KCTD8: variants seen among roughly 807,000 people sequenced by gnomAD.
KCTD8 encodes the protein BTB/POZ domain-containing protein KCTD8.
Under a neutral mutation model 31.5 loss-of-function variants are expected in KCTD8, and 27 were observed. The ratio of observed to expected loss-of-function variants is 0.86; its 90% CI spans 0.63 to 1.18. KCTD8 has a LOEUF of 1.18. Ranked by LOEUF, KCTD8 falls within the 50% of genes most tolerant of loss-of-function variation. The probability of loss-of-function intolerance (pLI) is 0.00; values close to 1 mark genes in which losing one functional copy is unlikely to be tolerated. For synonymous variants in KCTD8, 290 were observed against 280.0 expected (o/e 1.04, Z -0.36); for missense variants, 658 against 647.7 (o/e 1.02, Z -0.17).
At chr4:44,445,014 T>C (rs1577675098) in intron 1 of KCTD8, among the ~76,000 whole-genome samples, 1 of 152,154 alleles carries the variant, frequency 6.6e-6, no homozygotes, top group African/African-American at 2.4e-5. Flanking sequence ...AAAACATAAG[T>C]GGACAAACAA....
At chr4:44,306,452 A>C (rs182074174) in intron 1 of KCTD8, among the ~76,000 whole-genome samples, 84 of 152,162 alleles carry the variant, frequency 5.5e-4, no homozygotes, top group Non-Finnish European at 9.6e-4. Flanking sequence ...AATATAATTT[A>C]AACATCTTCA....
intron 1 of KCTD8, among the ~76,000 whole-genome samples, chr4:44,429,653 T>C (rs1721427205): frequency 6.6e-6 from 1 of 151,970 alleles, no homozygotes; most frequent in African/African-American, 2.4e-5. Flanking sequence ...CATGTCATTA[T>C]TGTTTTTAAT....
intron 1 of KCTD8, among the ~76,000 whole-genome samples, chr4:44,435,855 G>T (rs1577671271): frequency 6.6e-6 from 1 of 152,048 alleles, no homozygotes; most frequent in Non-Finnish European, 1.5e-5. Flanking sequence ...TAGGTGATCG[G>T]TTGTCCTCCC....
chr4:44,318,533 C>G (rs1403846096), intron 1 of KCTD8, among the ~76,000 whole-genome samples: 1 of 152,122 alleles, frequency 6.6e-6, no homozygotes, highest in Non-Finnish European at 1.5e-5. Flanking sequence ...TTGCTAAATA[C>G]TGCAGAGACT....
intron 1 of KCTD8, among the ~76,000 whole-genome samples, chr4:44,302,212 A>G (rs138850428): frequency 0.03 from 4,487 of 152,004 alleles, 257 homozygotes; most frequent in African/African-American, 0.1. Flanking sequence ...CTCTTTTTTG[A>G]TTCCATATGA....
chr4:44,322,733 T>A (rs1718328785), intron 1 of KCTD8, among the ~76,000 whole-genome samples: 1 of 152,108 alleles, frequency 6.6e-6, no homozygotes, highest in South Asian at 2.1e-4. Flanking sequence ...GTTACATTTA[T>A]GTCTGTAATC....
intron 1 of KCTD8, among the ~76,000 whole-genome samples, chr4:44,196,846 G>A (rs1713956637): frequency 6.6e-6 from 1 of 152,104 alleles, no homozygotes; most frequent in South Asian, 2.1e-4. Context: ...AAGAATACAG[G>A]GAATCCCACA....
At chr4:44,219,911 G>C (rs530673280) in intron 1 of KCTD8, among the ~76,000 whole-genome samples, 2 of 152,258 alleles carry the variant, frequency 1.3e-5, no homozygotes, top group Non-Finnish European at 2.9e-5. Flanking sequence ...CAAATTATCT[G>C]TAAGCTTCAG....
intron 1 of KCTD8, among the ~76,000 whole-genome samples, chr4:44,176,620 TAA>T (rs973070857): frequency 2.6e-4 from 39 of 152,330 alleles, no homozygotes; most frequent in African/African-American, 9.1e-4. Context: ...AGAAGAAACA[TAA>T]GTCAATGCCA....
At chr4:44,360,162 A>G (rs1719459486) in intron 1 of KCTD8, among the ~76,000 whole-genome samples, 1 of 152,054 alleles carries the variant, frequency 6.6e-6, no homozygotes, top group South Asian at 2.1e-4. Flanking sequence ...ATAAAGAGGA[A>G]TATATGAAAA....
intron 1 of KCTD8, among the ~76,000 whole-genome samples, chr4:44,178,475 G>T (rs1713283631): frequency 6.6e-6 from 1 of 151,674 alleles, no homozygotes; most frequent in Admixed American, 6.6e-5. Context: ...AATAAATGTT[G>T]TTTTTTTTAC....
At chr4:44,408,978 C>T (rs1351718238) in intron 1 of KCTD8, among the ~76,000 whole-genome samples, 1 of 151,726 alleles carries the variant, frequency 6.6e-6, no homozygotes, top group East Asian at 2.0e-4. Flanking sequence ...TGCTGTGGCT[C>T]ACACCTGTAA....
At chr4:44,317,461 G>A (rs1718169895) in intron 1 of KCTD8, among the ~76,000 whole-genome samples, 1 of 148,906 alleles carries the variant, frequency 6.7e-6, no homozygotes, top group Non-Finnish European at 1.5e-5. Context: ...GGATGGTCTC[G>A]ATCTCCTGAC....
At chr4:44,316,795 GAAAAAAAAAA>G (rs71188270) in intron 1 of KCTD8, among the ~76,000 whole-genome samples, 5 of 40,328 alleles carry the variant, frequency 1.2e-4, no homozygotes, top group Non-Finnish European at 2.0e-4. Context: ...CTAAAAATAC[GAAAAAAAAAA>G]AAAAAAAAAA....
At chr4:44,348,647 G>C (rs1719101759) in intron 1 of KCTD8, among the ~76,000 whole-genome samples, 1 of 152,166 alleles carries the variant, frequency 6.6e-6, no homozygotes, top group South Asian at 2.1e-4. Context: ...GAAAGGAAGT[G>C]ATAATGATGT....
intron 1 of KCTD8, among the ~76,000 whole-genome samples, chr4:44,190,184 A>T (rs1713721865): frequency 6.6e-6 from 1 of 152,230 alleles, no homozygotes; most frequent in Admixed American, 6.5e-5. Context: ...ACCTGTTCTC[A>T]GAAAACCTGA....
At chr4:44,201,922 A>C (rs192131009) in intron 1 of KCTD8, among the ~76,000 whole-genome samples, 61 of 152,296 alleles carry the variant, frequency 4.0e-4, no homozygotes, top group African/African-American at 1.4e-3. Flanking sequence ...CAGAATCTAC[A>C]AGGAACTTTA....
intron 1 of KCTD8, among the ~76,000 whole-genome samples, chr4:44,249,024 T>A (rs1715749783): frequency 6.6e-6 from 1 of 151,922 alleles, no homozygotes; most frequent in African/African-American, 2.4e-5. Context: ...ATGGAAATGT[T>A]AACTATGAAA....
At chr4:44,366,929 C>G (rs1446616609) in intron 1 of KCTD8, among the ~76,000 whole-genome samples, 2 of 152,098 alleles carry the variant, frequency 1.3e-5, no homozygotes, top group African/African-American at 4.8e-5. Flanking sequence ...TACTTAGAAA[C>G]CTTTAATGAG....
Sources: allele counts gnomAD v4.1 joint callset (sites outside exome capture counted in the v4.1 genomes callset), GRCh38; gene constraint gnomAD v4.1.1; transcripts MANE v1.5; gene names NCBI Gene and HGNC (gene_info 2026-07-23, HGNC 2026-07-21).